The following KPNA4 variants were observed in gnomAD, a reference collection of about 807,000 sequenced individuals.
KPNA4 encodes the protein karyopherin subunit alpha 4.
A neutral mutation model predicts 71.3 loss-of-function variants in KPNA4; 13 were observed. The ratio of observed to expected loss-of-function variants is 0.18; its 90% CI spans 0.12 to 0.29. The LOEUF is 0.29. KPNA4 is among the 10% of genes least tolerant of loss of function. The probability of loss-of-function intolerance (pLI) is 1.00; values close to 1 mark genes in which losing one functional copy is unlikely to be tolerated. For synonymous variants in KPNA4, 189 were observed against 195.2 expected (o/e 0.97, Z 0.26); for missense variants, 334 against 603.2 (o/e 0.55, Z 4.67).
At chr3:160,564,939 G>A (rs1226908474) in intron 1 of KPNA4, among the ~76,000 whole-genome samples, 4 of 145,074 alleles carry the variant, frequency 2.8e-5, no homozygotes, top group Non-Finnish European at 6.1e-5. Context: ...CCCGCCGCGC[G>A]GCCCGGCCCC....
At chr3:160,555,410 C>A (rs935977056) in intron 1 of KPNA4, among the ~76,000 whole-genome samples, 1 of 152,168 alleles carries the variant, frequency 6.6e-6, no homozygotes, top group African/African-American at 2.4e-5. Flanking sequence ...CTTATCTGCA[C>A]AGGGTGTGTT....
intron 13 of KPNA4, 42 bp from the exon 14 acceptor site, chr3:160,509,913 G>A (rs781010370): frequency 1.6e-6 from 2 of 1,231,940 alleles, no homozygotes; most frequent in Non-Finnish European, 2.4e-6. Flanking sequence ...TTGCCACATA[G>A]AGTAAACTGG....
At chr3:160,518,618 G>A (rs1413963708) in intron 11 of KPNA4, among the ~76,000 whole-genome samples, 4 of 151,550 alleles carry the variant, frequency 2.6e-5, no homozygotes. Context: ...CCAGCACTTT[G>A]GGAGGCCGAG....
At chr3:160,551,939 T>TGGC (rs1011409591) in intron 1 of KPNA4, among the ~76,000 whole-genome samples, 1 of 62,134 alleles carries the variant, frequency 1.6e-5, no homozygotes, top group Non-Finnish European at 4.0e-5. Flanking sequence ...TTGTCACAAC[T>TGGC]GGGGGGGGGG....
chr3:160,533,028 T>C (rs1348511238), intron 5 of KPNA4, among the ~76,000 whole-genome samples: 1 of 152,186 alleles, frequency 6.6e-6, no homozygotes, highest in Non-Finnish European at 1.5e-5. Context: ...GTGCTATCAC[T>C]ACTTATTTTT....
chr3:160,511,941 G>A (rs1721103892), intron 13 of KPNA4, among the ~76,000 whole-genome samples: 1 of 151,734 alleles, frequency 6.6e-6, no homozygotes, highest in African/African-American at 2.4e-5. Flanking sequence ...AAAATCATAG[G>A]AATAAAAATT....
chr3:160,521,514 T>A (rs1347676936), intron 11 of KPNA4, among the ~76,000 whole-genome samples: 1 of 152,180 alleles, frequency 6.6e-6, no homozygotes, highest in African/African-American at 2.4e-5. Flanking sequence ...GGTGGGAGAA[T>A]GTTCCTTGAA....
chr3:160,552,638 T>C lies in KPNA4; in HGVS notation c.69+12576A>G, dbSNP rs567134983. On this transcript the variant is annotated intron_variant, in intron 1 of 16. Transcript: ENST00000334256. ...GGGGGGTTTAACTTGCAATTAACTT[T>C]TTCAGGAATGGCCTCTGTGAGTAAA... Among the ~76,000 whole-genome samples the C allele has an allele frequency of 8.2e-4, 125 of 152,280 alleles. 3 individuals are homozygous for C. In the South Asian group the frequency reaches 0.021, roughly 25 times the overall value.
chr3:160,515,439 T>A lies in KPNA4; in HGVS notation c.1032+13A>T. On this transcript the variant is annotated intron_variant, in intron 12 of 16. Coordinates refer to ENST00000334256, the MANE Select transcript of KPNA4 (RefSeq NM_002268.5). ...TAAGTGCTATCTATTAAGTAGTATT[T>A]AATAGTACTTACTTTATTAATTTTC... 6.2e-7 allele frequency: 1 copy of A among 1,600,034 alleles called. No homozygotes were observed. The highest frequency in any genetic ancestry group is 8.5e-7 in the Non-Finnish European group (1 of 1,170,004).
chr3:160,558,167 G>A (rs1385314192), intron 1 of KPNA4, among the ~76,000 whole-genome samples: 2 of 152,146 alleles, frequency 1.3e-5, no homozygotes, highest in Non-Finnish European at 2.9e-5. Flanking sequence ...TAAAACATAG[G>A]ATTAAAGAAA....
intron 7 of KPNA4, 75 bp downstream of exon 7, chr3:160,530,780 T>C: frequency 1.0e-6 from 1 of 992,940 alleles, no homozygotes; most frequent in South Asian, 1.4e-5. Flanking sequence ...TGCCATAGTC[T>C]TTTGGGAAGA....
chr3:160,539,807 T>G (rs888371582), intron 1 of KPNA4, among the ~76,000 whole-genome samples: 1 of 152,122 alleles, frequency 6.6e-6, no homozygotes, highest in Non-Finnish European at 1.5e-5. Flanking sequence ...AATCACTTCA[T>G]CTAAAGTAGG....
intron 1 of KPNA4, among the ~76,000 whole-genome samples, chr3:160,550,545 T>C (rs189937013): frequency 1.0e-3 from 155 of 152,322 alleles, no homozygotes; most frequent in African/African-American, 3.7e-3. Context: ...TGGACTTATA[T>C]GCATGAGCCA....
intron 4 of KPNA4, 37 bp downstream of exon 4, chr3:160,535,624 G>A (rs1721673714): frequency 8.8e-6 from 14 of 1,587,468 alleles, no homozygotes; most frequent in Non-Finnish European, 1.2e-5. Flanking sequence ...TTGAGGACAA[G>A]AAATGCAAAT....
At chr3:160,562,135 T>C (rs944704794) in intron 1 of KPNA4, among the ~76,000 whole-genome samples, 8 of 152,174 alleles carry the variant, frequency 5.3e-5, no homozygotes, top group Non-Finnish European at 1.0e-4. Context: ...ACTCTGTACA[T>C]GGGCTGTTCC....
At chr3:160,536,991 C>T (rs754507004) in intron 1 of KPNA4, 151 bp from the exon 2 acceptor site, 1 of 445,562 alleles carries the variant, frequency 2.2e-6, no homozygotes, top group Admixed American at 4.0e-5. Flanking sequence ...AAAAATCATA[C>T]TATGTAGATG....
At chr3:160,502,447 T>C (rs1316639750) in intron 16 of KPNA4, among the ~76,000 whole-genome samples, 1 of 151,964 alleles carries the variant, frequency 6.6e-6, no homozygotes, top group Admixed American at 6.6e-5. Context: ...CATAGCTCAT[T>C]GCAGCCTCAA....
chr3:160,530,779 C>T, intron 7 of KPNA4, 76 bp downstream of exon 7: 1 of 983,840 alleles, frequency 1.0e-6, no homozygotes, highest in Non-Finnish European at 1.6e-6. Context: ...TTGCCATAGT[C>T]TTTTGGGAAG....
rs1224199900 is a variant in KPNA4, at chr3:160,499,030, T to C, written c.*3074A>G. 1.3e-5 allele frequency: 2 copies of C among 152,202 alleles called. No homozygotes were observed. Among genetic ancestry groups the C allele is most frequent in the Admixed American group, 6.5e-5 (1 of 15,284 alleles). The allele number at this position is 152,202 out of a possible 1,614,324, so 9.4% of individuals were successfully genotyped here. A position where few individuals can be genotyped will look rare whatever the true frequency, so the allele number is the denominator to read the frequency against. On this transcript the variant is annotated 3_prime_UTR_variant, in exon 17 of 17. Transcript: ENST00000334256. ...ACCCAGTCATTTTACAATGCAGTTATACCTTTAAAGAAACAAACAACTCCT... is the reference window on the plus strand; with the variant it reads ...ACCCAGTCATTTTACAATGCAGTTACACCTTTAAAGAAACAAACAACTCCT...
Sources: allele counts gnomAD v4.1 joint callset (sites outside exome capture counted in the v4.1 genomes callset), GRCh38; gene constraint gnomAD v4.1.1; transcripts MANE v1.5; gene names NCBI Gene and HGNC (gene_info 2026-07-23, HGNC 2026-07-21).